The following KCNQ3 variants were observed in gnomAD, a reference collection of about 807,000 sequenced individuals.
KCNQ3 encodes potassium voltage-gated channel subfamily KQT member 3.
In KCNQ3, 30 loss-of-function variants were observed where a neutral mutation model predicts 92.5. The observed-to-expected ratio is 0.32, with a 90% CI of 0.24 to 0.44. The LOEUF (loss-of-function observed/expected upper bound fraction) is 0.44, where lower values mean the gene tolerates loss of function less well. Among genes scored for constraint, KCNQ3 ranks in the 20% least tolerant of loss-of-function variants. KCNQ3 has a pLI of 1.00. For missense variants in KCNQ3, 913 were observed against 1,140.3 expected, an observed-to-expected ratio of 0.80 and a Z score of 2.87; for synonymous variants, 450 against 468.8, an observed-to-expected ratio of 0.96 and a Z score of 0.52.
chr8:132,446,703 C>T (rs1821685662), intron 1 of KCNQ3, among the ~76,000 whole-genome samples: 1 of 152,140 alleles, frequency 6.6e-6, no homozygotes, highest in Non-Finnish European at 1.5e-5. Flanking sequence ...ACTCTGAATG[C>T]TATTTTGTGA....
chr8:132,346,890 G>T (rs928951722), intron 1 of KCNQ3, among the ~76,000 whole-genome samples: 3 of 152,218 alleles, frequency 2.0e-5, no homozygotes, highest in African/African-American at 7.2e-5. Context: ...AAGGGAAGCT[G>T]GCAAAGCTTC....
intron 12 of KCNQ3, among the ~76,000 whole-genome samples, chr8:132,136,466 G>GA (rs923645588): frequency 3.3e-5 from 5 of 151,486 alleles, no homozygotes; most frequent in African/African-American, 4.9e-5. Context: ...TTTAAAAGTA[G>GA]AAAAAAAAAA....
At chr8:132,211,088 G>T (rs1813837714) in intron 1 of KCNQ3, among the ~76,000 whole-genome samples, 1 of 152,166 alleles carries the variant, frequency 6.6e-6, no homozygotes, top group African/African-American at 2.4e-5. Context: ...TGTACTCCTT[G>T]AGCCTACTGG....
At chr8:132,397,319 A>G (rs894314611) in intron 1 of KCNQ3, among the ~76,000 whole-genome samples, 3 of 152,066 alleles carry the variant, frequency 2.0e-5, no homozygotes, top group African/African-American at 7.2e-5. Context: ...ACGTGGTTAT[A>G]GTCACCTTTC....
At chr8:132,199,679 GT>G (rs1827402116) in intron 1 of KCNQ3, among the ~76,000 whole-genome samples, 1 of 152,224 alleles carries the variant, frequency 6.6e-6, no homozygotes. Flanking sequence ...GGAAGCCTGT[GT>G]GAGTGGATGA....
intron 1 of KCNQ3, among the ~76,000 whole-genome samples, chr8:132,376,677 G>A (rs185372629): frequency 7.3e-4 from 111 of 152,326 alleles, no homozygotes; most frequent in Non-Finnish European, 1.1e-3. Context: ...ACTCACATTT[G>A]CATATCTTTT....
At chr8:132,154,220 T>TTTTTTTTTTTTTTTTTTTTTC (rs1825736932) in intron 9 of KCNQ3, among the ~76,000 whole-genome samples, 1 of 111,548 alleles carries the variant, frequency 9.0e-6, no homozygotes, top group African/African-American at 3.4e-5. Flanking sequence ...TTTTTTTTTT[T>TTTTTTTTTTTTTTTTTTTTTC]TTTAGCCAAT....
intron 1 of KCNQ3, among the ~76,000 whole-genome samples, chr8:132,384,226 T>C (rs1422612085): frequency 1.3e-5 from 2 of 152,224 alleles, no homozygotes; most frequent in African/African-American, 2.4e-5. Flanking sequence ...CTTGTCCCGG[T>C]GAGCTGCTAT....
intron 1 of KCNQ3, among the ~76,000 whole-genome samples, chr8:132,459,664 A>G (rs1397521867): frequency 6.6e-6 from 1 of 152,038 alleles, no homozygotes; most frequent in Admixed American, 6.6e-5. Flanking sequence ...GAGGGTACAA[A>G]TATCCAAACT....
chr8:132,292,317 C>T lies in KCNQ3; in HGVS notation c.387-106136G>A, dbSNP rs145501608. Among the ~76,000 whole-genome samples the T allele has an allele frequency of 2.4e-3, 370 of 152,242 alleles. 3 individuals are homozygous for T. Among genetic ancestry groups the T allele is most frequent in the African/African-American group, 8.6e-3 (358 of 41,556 alleles). ...AAGAAGTGTTCTTGAGATTTATATGCACCACCTATGTAATTCTCATCCAAT... is the reference window on the plus strand; with the variant it reads ...AAGAAGTGTTCTTGAGATTTATATGTACCACCTATGTAATTCTCATCCAAT... On this transcript the variant is annotated intron_variant, in intron 1 of 14. Coordinates refer to ENST00000388996, the MANE Select transcript of KCNQ3 (RefSeq NM_004519.4).
At chr8:132,395,162 A>G (rs567601472) in intron 1 of KCNQ3, among the ~76,000 whole-genome samples, 13 of 152,346 alleles carry the variant, frequency 8.5e-5, no homozygotes, top group Non-Finnish European at 1.8e-4. Flanking sequence ...AATTGTATGT[A>G]TTCATGAAGT....
chr8:132,187,099 G>A, intron 1 of KCNQ3: 2 of 447,040 alleles, frequency 4.5e-6, no homozygotes, highest in Admixed American at 2.4e-5. Context: ...GTCCAAAAGG[G>A]AATTTATAAG....
At chr8:132,313,572 AT>A (rs1817658223) in intron 1 of KCNQ3, among the ~76,000 whole-genome samples, 2 of 152,208 alleles carry the variant, frequency 1.3e-5, no homozygotes, top group Admixed American at 1.3e-4. Flanking sequence ...CAAAGTCATT[AT>A]CTATTCTTGA....
chr8:132,134,494 TAAGAG>T lies in KCNQ3; in HGVS notation c.1701-111_1701-107del. On this transcript the variant is annotated intron_variant, in intron 12 of 14. Coordinates refer to ENST00000388996, the MANE Select transcript of KCNQ3 (RefSeq NM_004519.4). ...GAATGAGATAAGGGTTTGGAATATA[TAAGAG>T]GAGAGGAGAGGAGAGGAGAAGTGAG... is the stretch of plus-strand genomic sequence containing the variant. 3.6e-6 allele frequency: 3 copies of T among 831,118 alleles called. No homozygotes were observed. The South Asian group carries it at 4.3e-5, about 12-fold the overall frequency. The allele number at this position is 831,118 out of a possible 1,614,324, so 51.5% of individuals were successfully genotyped here. A position where few individuals can be genotyped will look rare whatever the true frequency, so the allele number is the denominator to read the frequency against.
At chr8:132,200,590 G>A (rs949632629) in intron 1 of KCNQ3, among the ~76,000 whole-genome samples, 1 of 152,124 alleles carries the variant, frequency 6.6e-6, no homozygotes, top group African/African-American at 2.4e-5. Flanking sequence ...GTTAGATAAT[G>A]GAGCATTTAA....
chr8:132,382,491 A>T (rs1382201736), intron 1 of KCNQ3, among the ~76,000 whole-genome samples: 16 of 152,244 alleles, frequency 1.1e-4, no homozygotes, highest in Non-Finnish European at 2.4e-4. Context: ...ACACTTGTAC[A>T]GCCTGCAGAA....
intron 1 of KCNQ3, among the ~76,000 whole-genome samples, chr8:132,446,036 C>G (rs1821667412): frequency 6.6e-6 from 1 of 152,150 alleles, no homozygotes; most frequent in Admixed American, 6.5e-5. Context: ...ATTTGCAGAG[C>G]TGAACTGTAT....
At chr8:132,195,618 C>A (rs1484886733) in intron 1 of KCNQ3, among the ~76,000 whole-genome samples, 2 of 152,202 alleles carry the variant, frequency 1.3e-5, no homozygotes, top group Non-Finnish European at 2.9e-5. Context: ...TTATGCCAAA[C>A]CCCTGTCTAA....
At chr8:132,247,509 G>A (rs573304112) in intron 1 of KCNQ3, among the ~76,000 whole-genome samples, 6 of 152,152 alleles carry the variant, frequency 3.9e-5, no homozygotes, top group South Asian at 2.1e-4. Flanking sequence ...GAATATGGCC[G>A]GGTGCAGTGG....
Sources: gnomAD v4.1 joint callset for allele counts (sites outside exome capture counted in the v4.1 genomes callset) on GRCh38, gnomAD v4.1.1 for gene constraint, MANE v1.5 for transcripts, NCBI Gene and HGNC (gene_info 2026-07-23, HGNC 2026-07-21) for gene names.